PRKG1: variants seen among roughly 807,000 people sequenced by gnomAD.
PRKG1 encodes the protein protein kinase cGMP-dependent 1, also known as cGMP-dependent protein kinase 1.
In PRKG1, 35 loss-of-function variants were observed where a neutral mutation model predicts 88.1. That is an observed-to-expected ratio of 0.40 (90% CI 0.30 to 0.53). The LOEUF is 0.53. Among genes scored for constraint, PRKG1 ranks in the 20% least tolerant of loss-of-function variants. The probability of loss-of-function intolerance (pLI) is 0.59; values close to 1 mark genes in which losing one functional copy is unlikely to be tolerated. For missense variants in PRKG1, 540 were observed against 839.8 expected (o/e 0.64, Z 4.41); for synonymous variants, 303 against 292.5 (o/e 1.04, Z -0.37).
At chr10:51,922,401 C>G (rs1362641727) in intron 5 of PRKG1, among the ~76,000 whole-genome samples, 1 of 151,502 alleles carries the variant, frequency 6.6e-6, no homozygotes, top group African/African-American at 2.4e-5. Context: ...TCATTGATAT[C>G]TGACTTGATT....
chr10:51,661,387 G>GA (rs1156972685), intron 3 of PRKG1, among the ~76,000 whole-genome samples: 7 of 151,866 alleles, frequency 4.6e-5, no homozygotes, highest in Non-Finnish European at 1.0e-4. Context: ...AAATTTACAA[G>GA]AAAAAACAAC....
At chr10:51,108,240 G>A (rs1473955688) in intron 1 of PRKG1, among the ~76,000 whole-genome samples, 2 of 152,034 alleles carry the variant, frequency 1.3e-5, no homozygotes, top group African/African-American at 4.8e-5. Context: ...GGATATTTTT[G>A]GCTCAATTTA....
intron 7 of PRKG1, among the ~76,000 whole-genome samples, chr10:52,129,095 G>A (rs1177776907): frequency 6.6e-6 from 1 of 152,092 alleles, no homozygotes; most frequent in Non-Finnish European, 1.5e-5. Context: ...ACAAATGAAA[G>A]TAAGTTCAGT....
intron 3 of PRKG1, among the ~76,000 whole-genome samples, chr10:51,685,206 T>C (rs1840956857): frequency 6.6e-6 from 1 of 152,184 alleles, no homozygotes; most frequent in Non-Finnish European, 1.5e-5. Flanking sequence ...AATGATATAA[T>C]GGGGACAGTA....
intron 3 of PRKG1, among the ~76,000 whole-genome samples, chr10:51,733,984 T>C (rs1486183620): frequency 2.6e-5 from 4 of 152,182 alleles, no homozygotes; most frequent in African/African-American, 9.7e-5. Context: ...TATTATTCTG[T>C]ATTTAATTCT....
At chr10:51,479,572 C>T (rs950465946) in intron 3 of PRKG1, among the ~76,000 whole-genome samples, 1 of 151,826 alleles carries the variant, frequency 6.6e-6, no homozygotes, top group African/African-American at 2.4e-5. Context: ...TACTCATCTT[C>T]CAATTTTTTT....
chr10:51,536,425 T>G (rs940935139), intron 3 of PRKG1, among the ~76,000 whole-genome samples: 3 of 152,196 alleles, frequency 2.0e-5, no homozygotes, highest in Admixed American at 2.0e-4. Context: ...TTATAGCTTC[T>G]GGATATTAGA....
chr10:51,927,057 A>C (rs1196187535), intron 5 of PRKG1, among the ~76,000 whole-genome samples: 1 of 152,022 alleles, frequency 6.6e-6, no homozygotes, highest in African/African-American at 2.4e-5. Context: ...GAAGTTGCTT[A>C]AAATATAGAT....
chr10:51,116,472 G>A (rs556736569), intron 1 of PRKG1, among the ~76,000 whole-genome samples: 4 of 152,276 alleles, frequency 2.6e-5, no homozygotes, highest in Non-Finnish European at 4.4e-5. Flanking sequence ...GTAAATTTGG[G>A]ATGAACAGTA....
intron 4 of PRKG1, among the ~76,000 whole-genome samples, chr10:51,832,139 T>C (rs1199001054): frequency 2.6e-5 from 4 of 152,218 alleles, no homozygotes; most frequent in African/African-American, 9.6e-5. Flanking sequence ...GTAGTGCTGA[T>C]ATTTCAGCTT....
At chr10:51,253,142 A>G (rs1036318098) in intron 2 of PRKG1, among the ~76,000 whole-genome samples, 4 of 151,942 alleles carry the variant, frequency 2.6e-5, no homozygotes, top group South Asian at 2.1e-4. Context: ...CAGGGAAACT[A>G]TAGAAATCAT....
chr10:51,161,895 GGT>G (rs916891026), intron 2 of PRKG1, among the ~76,000 whole-genome samples: 1 of 151,958 alleles, frequency 6.6e-6, no homozygotes, highest in Admixed American at 6.6e-5. Context: ...TTTTGGCAAT[GGT>G]GTAATAACAC....
At chr10:51,565,813 A>G (rs1299027343) in intron 3 of PRKG1, among the ~76,000 whole-genome samples, 4 of 152,078 alleles carry the variant, frequency 2.6e-5, no homozygotes, top group Non-Finnish European at 5.9e-5. Flanking sequence ...AAAAAAATGC[A>G]TCAGCTATTT....
At chr10:52,120,076 A>G (rs1295339895) in intron 7 of PRKG1, among the ~76,000 whole-genome samples, 3 of 151,974 alleles carry the variant, frequency 2.0e-5, no homozygotes, top group Admixed American at 1.3e-4. Context: ...AAAGAGGGAG[A>G]GAGACAAAGA....
chr10:52,041,321 G>A (rs1332126948), intron 5 of PRKG1, among the ~76,000 whole-genome samples: 1 of 152,190 alleles, frequency 6.6e-6, no homozygotes, highest in Non-Finnish European at 1.5e-5. Flanking sequence ...TCCTTTGGAT[G>A]AATCCCACCT....
At chr10:51,293,512 A>G (rs544626939) in intron 2 of PRKG1, among the ~76,000 whole-genome samples, 78 of 152,148 alleles carry the variant, frequency 5.1e-4, no homozygotes, top group Non-Finnish European at 6.8e-4. Context: ...ACTTAACTTA[A>G]TGTCCTCCAG....
chr10:51,728,168 G>A (rs1213420498), intron 3 of PRKG1, among the ~76,000 whole-genome samples: 1 of 152,048 alleles, frequency 6.6e-6, no homozygotes, highest in Non-Finnish European at 1.5e-5. Flanking sequence ...GCTATTCATA[G>A]ATCATTCAGA....
intron 1 of PRKG1, among the ~76,000 whole-genome samples, chr10:51,013,500 C>T (rs1843018754): frequency 1.3e-5 from 2 of 152,160 alleles, no homozygotes; most frequent in Admixed American, 1.3e-4. Context: ...AAGTGATTCC[C>T]CTGCATCAGC....
intron 3 of PRKG1, among the ~76,000 whole-genome samples, chr10:51,755,733 T>C (rs948523685): frequency 2.6e-5 from 4 of 152,242 alleles, no homozygotes; most frequent in African/African-American, 9.6e-5. Context: ...GAAATAACAC[T>C]GGCATCATGC....
Sources: allele counts gnomAD v4.1 joint callset (sites outside exome capture counted in the v4.1 genomes callset), GRCh38; gene constraint gnomAD v4.1.1; transcripts MANE v1.5; gene names NCBI Gene and HGNC (gene_info 2026-07-23, HGNC 2026-07-21).